Variants in ZNRF1 observed in about 807,000 individuals in gnomAD.
ZNRF1 encodes E3 ubiquitin-protein ligase ZNRF1.
ZNRF1 carries 3 observed loss-of-function variants against 18.4 expected under a neutral mutation model. The observed-to-expected ratio is 0.16, with a 90% CI of 0.07 to 0.42. The LOEUF is 0.42. Ranked by LOEUF, ZNRF1 falls within the 10% of genes least tolerant of loss-of-function variation. ZNRF1 has a pLI of 0.99. For synonymous variants in ZNRF1, 157 were observed against 144.2 expected (o/e 1.09, Z -0.64); for missense variants, 310 against 329.8 (o/e 0.94, Z 0.47).
rs187329222 is a variant in ZNRF1, at chr16:75,026,852, C to G, written c.424+26757C>G. 2.1e-4 allele frequency among the ~76,000 whole-genome samples: 32 copies of G among 151,900 alleles called. 1 individual carries two copies. Among genetic ancestry groups the G allele is most frequent in the Middle Eastern group, 6.8e-3 (2 of 294 alleles). ...TCAGGAGGCTGAGGCACAAGAATCACTTGAACCCAGAGGCGGCACTCCAGC... is the reference window on the plus strand; with the variant it reads ...TCAGGAGGCTGAGGCACAAGAATCAGTTGAACCCAGAGGCGGCACTCCAGC... On this transcript the variant is annotated intron_variant, in intron 1 of 4. Transcript: ENST00000335325.
At chr16:75,073,146 C>CTCTCTCTCTCTGTCTCTCTG (rs146902791) in intron 1 of ZNRF1, among the ~76,000 whole-genome samples, 15 of 128,734 alleles carry the variant, frequency 1.2e-4, no homozygotes, top group Non-Finnish European at 2.1e-4. Flanking sequence ...CTCTCTCTCT[C>CTCTCTCTCTCTGTCTCTCTG]TCTCTCTGTC....
chr16:75,015,704 C>T (rs1286979379), intron 1 of ZNRF1, among the ~76,000 whole-genome samples: 2 of 152,156 alleles, frequency 1.3e-5, no homozygotes, highest in Non-Finnish European at 2.9e-5. Context: ...CCACCTCAGT[C>T]TCCTGGGTAG....
At chr16:75,102,856 T>C (rs2036269273) in intron 2 of ZNRF1, among the ~76,000 whole-genome samples, 2 of 152,198 alleles carry the variant, frequency 1.3e-5, no homozygotes, top group African/African-American at 2.4e-5. Flanking sequence ...CTGCTGTGTG[T>C]CCCGCTGCCC....
At chr16:75,090,648 G>A (rs1376743996) in intron 1 of ZNRF1, among the ~76,000 whole-genome samples, 1 of 152,208 alleles carries the variant, frequency 6.6e-6, no homozygotes, top group Non-Finnish European at 1.5e-5. Flanking sequence ...ATGCTCAGAT[G>A]CTAAGAATCT....
chr16:75,098,040 A>C (rs1367837553), intron 2 of ZNRF1, among the ~76,000 whole-genome samples: 1 of 152,164 alleles, frequency 6.6e-6, no homozygotes, highest in Non-Finnish European at 1.5e-5. Flanking sequence ...CATTGCCCAG[A>C]GCCATTGTTA....
intron 1 of ZNRF1, among the ~76,000 whole-genome samples, chr16:75,039,821 A>T (rs975191552): frequency 7.2e-5 from 11 of 152,192 alleles, no homozygotes; most frequent in African/African-American, 2.7e-4. Flanking sequence ...TTTGCCAGAA[A>T]ACTACAGTTC....
At chr16:75,012,104 C>T (rs969882760) in intron 1 of ZNRF1, among the ~76,000 whole-genome samples, 5 of 152,164 alleles carry the variant, frequency 3.3e-5, no homozygotes, top group Admixed American at 3.3e-4. Flanking sequence ...GATGATAAAT[C>T]CCTTGAGGGG....
At chr16:75,057,752 C>T (rs1246646675) in intron 1 of ZNRF1, among the ~76,000 whole-genome samples, 3 of 152,226 alleles carry the variant, frequency 2.0e-5, no homozygotes, top group African/African-American at 7.2e-5. Flanking sequence ...TCTCTTGCCT[C>T]AGCCTCCTGA....
intron 1 of ZNRF1, among the ~76,000 whole-genome samples, chr16:75,051,997 T>C (rs769537824): frequency 2.0e-5 from 3 of 152,226 alleles, no homozygotes; most frequent in Non-Finnish European, 4.4e-5. Flanking sequence ...TCTTTATAGC[T>C]TTTCCTCTTG....
chr16:75,055,210 T>C (rs557658703), intron 1 of ZNRF1, among the ~76,000 whole-genome samples: 2 of 152,380 alleles, frequency 1.3e-5, no homozygotes, highest in East Asian at 3.9e-4. Flanking sequence ...TTTAATGCTT[T>C]CTAAAGGAAC....
At chr16:75,086,429 G>T (rs939160556) in intron 1 of ZNRF1, among the ~76,000 whole-genome samples, 1 of 152,206 alleles carries the variant, frequency 6.6e-6, no homozygotes, top group Non-Finnish European at 1.5e-5. Flanking sequence ...AGAGGCAAAA[G>T]CCAGAATTCC....
At chr16:75,070,824 G>T (rs937977226) in intron 1 of ZNRF1, among the ~76,000 whole-genome samples, 1 of 152,202 alleles carries the variant, frequency 6.6e-6, no homozygotes, top group African/African-American at 2.4e-5. Flanking sequence ...CACATCATGT[G>T]TGGGAGCCGC....
intron 2 of ZNRF1, chr16:75,104,167 G>A (rs1018772086): frequency 6.6e-6 from 1 of 152,330 alleles, no homozygotes; most frequent in Non-Finnish European, 1.5e-5. Context: ...TATTTTTGAC[G>A]TTTATCCATG....
rs62059205 is a variant in ZNRF1 at position 75,110,161 on chromosome 16, C to T, written c.*2461C>T. ...CCCCAGCGACTTCCGTCCTACCTGG[C>T]ATGCTGCAGCCCTCTGCCGGCTGTG... On this transcript the variant is annotated 3_prime_UTR_variant, in exon 5 of 5. Transcript: ENST00000335325. The T allele has an allele frequency of 0.053, 8,130 of 152,414 alleles. 302 individuals are homozygous for T. The highest frequency in any genetic ancestry group is 0.12 in the Admixed American group (1,810 of 15,310). The allele number at this position is 152,414 out of a possible 1,614,324, so 9.4% of individuals were successfully genotyped here.
At chr16:75,034,303 C>T (rs1411923977) in intron 1 of ZNRF1, among the ~76,000 whole-genome samples, 1 of 152,160 alleles carries the variant, frequency 6.6e-6, no homozygotes, top group East Asian at 1.9e-4. Flanking sequence ...AACTGCTTTC[C>T]ATTTCCCTCT....
chr16:75,082,178 G>C (rs1402258135), intron 1 of ZNRF1, among the ~76,000 whole-genome samples: 4 of 152,116 alleles, frequency 2.6e-5, no homozygotes, highest in Admixed American at 2.6e-4. Flanking sequence ...CACTGTACCT[G>C]GTCAGTTTTC....
chr16:75,040,549 TCTG>T, intron 1 of ZNRF1, among the ~76,000 whole-genome samples: 1 of 151,938 alleles, frequency 6.6e-6, no homozygotes, highest in African/African-American at 2.4e-5. Context: ...TGTATTATTT[TCTG>T]TTTGGTGTCC....
Position 75,107,881 on chromosome 16 carries a change from G to A in ZNRF1, c.*181G>A. ...TCCCTGAGGACACCAAATTGGATGAGAGCAAGTTTGAGAGAAGAATGAATC... is the reference window on the plus strand; with the variant it reads ...TCCCTGAGGACACCAAATTGGATGAAAGCAAGTTTGAGAGAAGAATGAATC... On this transcript the variant is annotated 3_prime_UTR_variant, in exon 5 of 5. Transcript: ENST00000335325. The A allele has an allele frequency of 2.3e-6, 1 of 440,406 alleles. No homozygotes were observed. The highest frequency in any genetic ancestry group is 4.6e-6 in the Non-Finnish European group (1 of 215,502). 27.3% of individuals were successfully genotyped at this position (440,406 alleles called of 1,614,324 possible). A position where few individuals can be genotyped will look rare whatever the true frequency, so the allele number is the denominator to read the frequency against.
intron 1 of ZNRF1, among the ~76,000 whole-genome samples, chr16:75,051,620 C>T (rs558555291): frequency 1.3e-5 from 2 of 152,118 alleles, no homozygotes; most frequent in East Asian, 3.9e-4. Context: ...CGGGTTCAAG[C>T]GATTCTCCTG....
Sources: allele counts gnomAD v4.1 joint callset (sites outside exome capture counted in the v4.1 genomes callset), GRCh38; gene constraint gnomAD v4.1.1; transcripts MANE v1.5; gene names NCBI Gene and HGNC (gene_info 2026-07-23, HGNC 2026-07-21).